ADGRB2: variants seen among roughly 807,000 people sequenced by gnomAD.
ADGRB2 encodes brain-specific angiogenesis inhibitor 2.
A neutral mutation model predicts 178.7 loss-of-function variants in ADGRB2; 47 were observed. The observed-to-expected ratio is 0.26, with a 90% confidence interval of 0.21 to 0.34. The LOEUF (loss-of-function observed/expected upper bound fraction) is 0.34. Among genes scored for constraint, ADGRB2 ranks in the 10% least tolerant of loss-of-function variants. The probability of loss-of-function intolerance (pLI) is 1.00; values close to 1 mark genes in which losing one functional copy is unlikely to be tolerated. For synonymous variants in ADGRB2, 870 were observed against 912.4 expected (o/e 0.95, Z 0.84); for missense variants, 1,584 against 2,180.8 (o/e 0.73, Z 5.45).
chr1:31,750,676 G>A (rs1020496511), intron 4 of ADGRB2, among the ~76,000 whole-genome samples: 2 of 152,114 alleles, frequency 1.3e-5, no homozygotes, highest in African/African-American at 2.4e-5. Context: ...AGCAGGAGCC[G>A]ACTGATCCCC....
intron 20 of ADGRB2, 23 bp from the exon 21 acceptor site, chr1:31,736,746 G>A (rs377497334): frequency 1.2e-4 from 187 of 1,610,364 alleles, no homozygotes; most frequent in Middle Eastern, 1.7e-4. Flanking sequence ...GGAATGGGAG[G>A]GAGTGGCCCT....
At chr1:31,750,507 T>C (rs1369182166) in intron 4 of ADGRB2, among the ~76,000 whole-genome samples, 1 of 151,846 alleles carries the variant, frequency 6.6e-6, no homozygotes, top group Non-Finnish European at 1.5e-5. Context: ...CCCCCCAAAC[T>C]CCACACAGTC....
chr1:31,755,173 C>G lies in ADGRB2; in HGVS notation c.838+826G>C, dbSNP rs1452666931. Among the ~76,000 whole-genome samples the G allele has an allele frequency of 1.3e-5, 2 of 152,208 alleles. No individual in the cohort carries two copies. The highest frequency in any genetic ancestry group is 2.9e-5 in the Non-Finnish European group (2 of 68,028). ...CCCTCCAGGTCTCCTGGTCAGTCCCCGGCCCAGCACTGTTCAGCGGGCACA... is the reference window on the plus strand; with the variant it reads ...CCCTCCAGGTCTCCTGGTCAGTCCCGGGCCCAGCACTGTTCAGCGGGCACA... On this transcript the variant is annotated intron_variant, in intron 4 of 32. Coordinates refer to ENST00000373658, the MANE Select transcript of ADGRB2 (RefSeq NM_001364857.2). The surrounding 1 kb of genome is among the most constrained non-coding windows in gnomAD (Gnocchi z 5.1).
intron 4 of ADGRB2, among the ~76,000 whole-genome samples, chr1:31,748,185 C>T (rs749541040): frequency 6.6e-6 from 1 of 152,200 alleles, no homozygotes; most frequent in Non-Finnish European, 1.5e-5. Context: ...AGGGGCAGGG[C>T]GAAGCGGGAG....
rs78293627 is a variant in ADGRB2, at chr1:31,753,573, C to A, written c.838+2426G>T. Among the ~76,000 whole-genome samples the A allele has an allele frequency of 2.6e-3, 401 of 152,296 alleles. 5 individuals carry two copies. Among genetic ancestry groups the A allele is most frequent in the African/African-American group, 8.4e-3 (350 of 41,558 alleles). On this transcript the variant is annotated intron_variant, in intron 4 of 32. Coordinates refer to ENST00000373658, the MANE Select transcript of ADGRB2 (RefSeq NM_001364857.2). The surrounding 1 kb of genome is among the most constrained non-coding windows in gnomAD (Gnocchi z 4.1). ...AGAGGGGCCAGGACAAGGGTCTCACCCTTCCTGCTCACTACCATCCCCACG... is the reference window on the plus strand; with the variant it reads ...AGAGGGGCCAGGACAAGGGTCTCACACTTCCTGCTCACTACCATCCCCACG...
At position 31,744,045 on chromosome 1, in the gene ADGRB2, G is replaced by A. The variant is rs908859385; in HGVS notation, c.1087+148C>T. ...CAGTGCCCTGCACCGGGCTGGCATG[G>A]TACGCAGAGTTGGGCATGGTGTGGG... is the stretch of plus-strand genomic sequence containing the variant. On this transcript the variant is annotated intron_variant, in intron 6 of 32. Transcript: ENST00000373658. The surrounding 1 kb of genome is among the most constrained non-coding windows in gnomAD (Gnocchi z 6.7). 1.8e-6 allele frequency: 2 copies of A among 1,085,058 alleles called. No homozygotes were observed. Among genetic ancestry groups the A allele is most frequent in the Non-Finnish European group, 2.6e-6 (2 of 772,238 alleles). The allele number at this position is 1,085,058 out of a possible 1,614,324, so 67.2% of individuals were successfully genotyped here.
At chr1:31,732,421 C>A in intron 27 of ADGRB2, 96 bp downstream of exon 27, 3 of 1,435,556 alleles carry the variant, frequency 2.1e-6, no homozygotes, top group Non-Finnish European at 2.9e-6. Context: ...TGTCCCAACC[C>A]TGCCATGGAT....
intron 4 of ADGRB2, among the ~76,000 whole-genome samples, chr1:31,746,471 C>T (rs991112169): frequency 3.9e-5 from 6 of 152,146 alleles, no homozygotes; most frequent in Admixed American, 1.3e-4. Flanking sequence ...ACCCTCTCCA[C>T]GCCCACCCCC....
intron 25 of ADGRB2, among the ~76,000 whole-genome samples, chr1:31,734,180 C>A (rs1386781237): frequency 3.9e-5 from 6 of 152,200 alleles, no homozygotes; most frequent in African/African-American, 1.4e-4. Flanking sequence ...GGTCTAATCA[C>A]AGTAATAAGA....
rs946920381 is a variant in ADGRB2, at chr1:31,735,159, C to A, written c.3452+24G>T. ...ATTCCTTTGCCCCACCCACCCCCAC[C>A]GCCCCCCAGGGGGCACGACTAACAT... On this transcript the variant is annotated intron_variant, in intron 25 of 32. Transcript: ENST00000373658. The surrounding 1 kb of genome is among the most constrained non-coding windows in gnomAD (Gnocchi z 6.0). The A allele has an allele frequency of 1.3e-5, 19 of 1,413,970 alleles. No homozygotes were observed. The African/African-American group carries it at 2.5e-4, about 18-fold the overall frequency. 87.6% of individuals were successfully genotyped at this position (1,413,970 alleles called of 1,614,324 possible).
At position 31,758,910 on chromosome 1, in the gene ADGRB2, G is replaced by A. The variant is rs991675643; in HGVS notation, c.-190-1399C>T. Among the ~76,000 whole-genome samples the A allele has an allele frequency of 1.3e-5, 2 of 152,214 alleles. No homozygotes were observed. The highest frequency in any genetic ancestry group is 2.4e-5 in the African/African-American group (1 of 41,444). ...CTGCTGCGGCACTAGCCAAGCCAGC[G>A]GCTGATGATGAGTGACATCCAATCC... On this transcript the variant is annotated intron_variant, in intron 1 of 32. Coordinates refer to ENST00000373658, the MANE Select transcript of ADGRB2 (RefSeq NM_001364857.2). The surrounding 1 kb of genome is among the most constrained non-coding windows in gnomAD (Gnocchi z 4.2).
chr1:31,741,432 A>G lies in ADGRB2; in HGVS notation c.1735T>C (p.Trp579Arg). ...CLLSAQGVAY[W>R]GLPSFARCIS... ...CAGCGAGCAAAGCTGGGCAGCCCCC[A>G]GTACGCCACGCCTTGGGCACTGAGG... Residue 579 changes from tryptophan to arginine, a missense_variant, in exon 11 of 33, where the codon TGG becomes CGG. By Grantham distance (101) the Trp-to-Arg change is moderately radical. Coordinates refer to ENST00000373658, the MANE Select transcript of ADGRB2 (RefSeq NM_001364857.2). This position sits in a 1 kb window ranked among gnomAD's most constrained non-coding sequence, Gnocchi z 6.5. The G allele has an allele frequency of 6.2e-7, 1 of 1,606,190 alleles. No individual in the cohort carries two copies. Among genetic ancestry groups the G allele is most frequent in the Non-Finnish European group, 8.5e-7 (1 of 1,176,570 alleles).
At chr1:31,763,649 G>T (rs866120645) in intron 1 of ADGRB2, among the ~76,000 whole-genome samples, 4 of 148,492 alleles carry the variant, frequency 2.7e-5, no homozygotes, top group South Asian at 2.1e-4. Context: ...GCTGGGGGAG[G>T]GGGGGGGCCG....
chr1:31,763,833 C>T, intron 1 of ADGRB2, 51 bp downstream of exon 1: 2 of 985,140 alleles, frequency 2.0e-6, no homozygotes, highest in Non-Finnish European at 2.4e-6. Flanking sequence ...CGGGACCGCG[C>T]CGGCAGGGCT....
chr1:31,734,990 G>A (rs1446018276), intron 25 of ADGRB2, among the ~76,000 whole-genome samples, 193 bp downstream of exon 25: 2 of 152,306 alleles, frequency 1.3e-5, no homozygotes, highest in Admixed American at 1.3e-4. Context: ...CCTGTGGGAG[G>A]CACAGACATC....
rs751147414 is a variant in ADGRB2 at position 31,744,285 on chromosome 1, C to T, written c.995G>A (p.Arg332Gln). 8 of 1,551,372 alleles carry T rather than the reference C, an allele frequency of 5.2e-6. No individual in the cohort carries two copies. The highest frequency in any genetic ancestry group is 3.9e-5 in the Admixed American group (2 of 50,944). Reference sequence around the variant, plus strand: ...GGGGGAGGACACACAGGAGCGGGTCCGCACCTGCAGACCCTGCCCACACGT... The same window carrying T: ...GGGGGAGGACACACAGGAGCGGGTCTGCACCTGCAGACCCTGCCCACACGT... ...SLTCGQGLQV[R>Q]TRSCVSSPYG... is the part of the protein sequence containing the mutation. The change falls in exon 6 of 33, where the codon CGG becomes CAG. Residue 332 changes from arginine (R) to glutamine (Q), a missense_variant. By Grantham distance (43) the Arg-to-Gln change is conservative. Coordinates refer to ENST00000373658, the MANE Select transcript of ADGRB2 (RefSeq NM_001364857.2). The surrounding 1 kb of genome is among the most constrained non-coding windows in gnomAD (Gnocchi z 6.7).
chr1:31,737,891 T>C (rs1645710699), intron 18 of ADGRB2, 136 bp from the exon 19 acceptor site: 1 of 848,020 alleles, frequency 1.2e-6, no homozygotes, highest in South Asian at 1.6e-5. Flanking sequence ...TACTCATGTA[T>C]GCACAGAACA....
In ADGRB2 at chr1:31,742,102, G is replaced by A. The variant is rs1316136058; in HGVS notation, c.1368C>T (p.Cys456=). 1 of 1,613,120 alleles carries A rather than the reference G, an allele frequency of 6.2e-7. No homozygotes were observed. The highest frequency in any genetic ancestry group is 1.1e-5 in the South Asian group (1 of 91,008). The change falls in exon 8 of 33, where the codon TGC becomes TGT. Residue 456 remains cysteine (C), a synonymous_variant. Transcript: ENST00000373658. ...CSVAGPAWAT[C]TGALTDTREC... is the part of the protein sequence containing the mutation. ...CCCGGGTGTCAGTGAGGGCACCCGT[G>A]CATGTGGCCCAGGCTGGGCCCGCCA...
In ADGRB2 at chr1:31,733,083, G is replaced by C. The variant is rs140842802; in HGVS notation, c.3513C>G (p.Ala1171=). The part of the protein sequence containing the change: ...LPLLALTWMS[A]VLAMTDRRSV... ...AACGGCGGTCTGTCATAGCCAGGAC[G>C]GCAGACATCCAGGTGAGCGCCAGCA... The change falls in exon 26 of 33, where the codon GCC becomes GCG. Residue 1171 remains alanine, a synonymous_variant. Transcript: ENST00000373658. This position sits in a 1 kb window ranked among gnomAD's most constrained non-coding sequence, Gnocchi z 4.3. 1.9e-6 allele frequency: 3 copies of C among 1,585,996 alleles called. No individual in the cohort carries two copies. The Admixed American group carries it at 5.4e-5, about 28-fold the overall frequency.
Sources: allele counts gnomAD v4.1 joint callset (sites outside exome capture counted in the v4.1 genomes callset), GRCh38; gene constraint gnomAD v4.1.1; non-coding constraint Gnocchi (gnomAD v3.1); transcripts MANE v1.5; gene names NCBI Gene and HGNC (gene_info 2026-07-23, HGNC 2026-07-21).